VPS13C: variants seen among roughly 807,000 people sequenced by gnomAD.
VPS13C encodes vacuolar protein sorting 13 homolog C, also known as intermembrane lipid transfer protein VPS13C.
Under a neutral mutation model 456.8 loss-of-function variants are expected in VPS13C, and 358 were observed. The observed-to-expected ratio is 0.78, with a 90% CI of 0.72 to 0.86. The LOEUF is 0.86. Among genes scored for constraint, VPS13C ranks in the 40% least tolerant of loss-of-function variants. The probability of loss-of-function intolerance (pLI) is 0.00; values close to 1 mark genes in which losing one functional copy is unlikely to be tolerated. For synonymous variants in VPS13C, 1,578 were observed against 1,486.7 expected, an observed-to-expected ratio of 1.06 and a Z score of -1.41; for missense variants, 4,818 against 4,385.4, an observed-to-expected ratio of 1.10 and a Z score of -2.79.
At chr15:61,887,338 T>C (rs906939605) in intron 67 of VPS13C, among the ~76,000 whole-genome samples, 8 of 152,168 alleles carry the variant, frequency 5.3e-5, no homozygotes, top group African/African-American at 1.7e-4. Flanking sequence ...TCGAATACAA[T>C]GTGTATGTGA....
intron 48 of VPS13C, 83 bp downstream of exon 48, chr15:61,936,514 C>T: frequency 7.3e-7 from 1 of 1,365,568 alleles, no homozygotes. Flanking sequence ...CCACATTGTG[C>T]TGGACAGCTA....
intron 66 of VPS13C, among the ~76,000 whole-genome samples, chr15:61,903,779 A>G (rs1464797894): frequency 6.6e-6 from 1 of 152,228 alleles, no homozygotes; most frequent in Middle Eastern, 3.2e-3. Context: ...TGGCAGTAGC[A>G]TAAAAACAGA....
Position 61,954,421 on chromosome 15 carries a change from C to G in VPS13C, c.4299G>C (p.Glu1433Asp), listed in dbSNP as rs539515210. ...ACAAAAACAGATGAAAATTACACAC[C>G]TCTTTAATTTCAAAATTCAGCAGCA... ...INMLLNFEIK[E>D]VVVTLMKKSE... The change falls in exon 38 of 85, where the codon GAG becomes GAC. Residue 1433 changes from glutamate (E) to aspartate (D), a missense_variant and splice_region_variant. By Grantham distance (45) the Glu-to-Asp change is conservative. This residue lies in a region of VPS13C where 4,552 missense variants were observed against 4,130.6 expected (regional missense o/e 1.10). Transcript: ENST00000644861. 1.9e-6 allele frequency: 3 copies of G among 1,603,166 alleles called. No homozygotes were observed. The highest frequency in any genetic ancestry group is 2.5e-6 in the Non-Finnish European group (3 of 1,176,646).
Position 61,977,183 on chromosome 15 carries a change from CT to C in VPS13C, c.2306del (p.Lys769SerfsTer27). 1.9e-6 allele frequency: 3 copies of C among 1,553,906 alleles called. No homozygotes were observed. The highest frequency in any genetic ancestry group is 2.6e-5 in the South Asian group (2 of 77,468). Reference protein sequence around the residue: ...LFARAEETWKKCRFQHPSTMH... With the variant: ...LFARAEETWKXCRFQHPSTMH... The stretch of plus-strand genomic sequence containing the variant: ...TAGTTGATGGATGCTGAAATCGACA[CT>C]TTTTCCAGGTTTCCTCTTTAAAAAA... On this transcript the variant is annotated frameshift_variant, in exon 24 of 85. Transcript: ENST00000644861. LOFTEE classifies it high-confidence loss of function.
chr15:61,940,105 T>C (rs1206134354), intron 47 of VPS13C, among the ~76,000 whole-genome samples: 1 of 152,172 alleles, frequency 6.6e-6, no homozygotes, highest in African/African-American at 2.4e-5. Context: ...TTAAAAATAA[T>C]GGTGTATTTA....
chr15:61,870,188 T>C (rs950965051), intron 79 of VPS13C, among the ~76,000 whole-genome samples: 3 of 152,178 alleles, frequency 2.0e-5, no homozygotes, highest in Non-Finnish European at 4.4e-5. Context: ...ATGTTTATCA[T>C]TTTAAAAAGA....
chr15:62,056,853 T>C (rs893347994), intron 1 of VPS13C, among the ~76,000 whole-genome samples: 1 of 152,226 alleles, frequency 6.6e-6, no homozygotes, highest in African/African-American at 2.4e-5. Flanking sequence ...TCTCTCTCTC[T>C]GCCTCGGCTG....
At position 61,959,511 on chromosome 15, in the gene VPS13C, T is replaced by C; in HGVS notation, c.3993A>G (p.Leu1331=). The change falls in exon 36 of 85, where the codon CTA becomes CTG. Residue 1331 remains leucine (L), a synonymous_variant. Coordinates refer to ENST00000644861, the MANE Select transcript of VPS13C (RefSeq NM_020821.3). ...GCACCTTGTGGTACCAAGATGCAGCTAGATTCCGATTTACAAGAAATTCCA... is the reference window on the plus strand; with the variant it reads ...GCACCTTGTGGTACCAAGATGCAGCCAGATTCCGATTTACAAGAAATTCCA... ...INLEFLVNRN[L]AASWYHKVPV... is the part of the protein sequence containing the mutation. The C allele has an allele frequency of 1.9e-6, 3 of 1,613,188 alleles. No individual in the cohort carries two copies. The highest frequency in any genetic ancestry group is 2.5e-6 in the Non-Finnish European group (3 of 1,179,398).
Position 62,007,394 on chromosome 15 carries a change from T to C in VPS13C, c.1204A>G (p.Arg402Gly). Residue 402 changes from arginine (R) to glycine (G), a missense_variant, in exon 15 of 85, where the codon AGG becomes GGG. By Grantham distance (125) the Arg-to-Gly change is moderately radical. Transcript: ENST00000644861. The part of the protein sequence containing the change: ...MWSWSNIKKH[R>G]QLLKSYKIAY... Reference sequence around the variant, plus strand: ...ATTTTATAACTCTTGAGTAACTGCCTGTGCTTTTTTATGTTACTCCATGAC... The same window carrying C: ...ATTTTATAACTCTTGAGTAACTGCCCGTGCTTTTTTATGTTACTCCATGAC... 3 of 1,613,116 alleles carry C rather than the reference T, an allele frequency of 1.9e-6. No homozygotes were observed. Among genetic ancestry groups the C allele is most frequent in the Middle Eastern group, 1.7e-4 (1 of 6,056 alleles).
intron 67 of VPS13C, among the ~76,000 whole-genome samples, chr15:61,887,657 C>G (rs1249131740): frequency 6.6e-6 from 1 of 152,128 alleles, no homozygotes; most frequent in Non-Finnish European, 1.5e-5. Flanking sequence ...CACCACTGCA[C>G]TCCAGCCTGG....
At chr15:62,025,267 C>T (rs765496935) in intron 6 of VPS13C, among the ~76,000 whole-genome samples, 27 of 151,998 alleles carry the variant, frequency 1.8e-4, no homozygotes, top group Admixed American at 3.9e-4. Context: ...TCTGCCACTA[C>T]AAAAATTAAG....
At chr15:61,966,031 T>C (rs2140332746) in intron 30 of VPS13C, 52 bp downstream of exon 30, 1 of 1,423,340 alleles carries the variant, frequency 7.0e-7, no homozygotes, top group Non-Finnish European at 9.7e-7. Context: ...CTAGAGGCTT[T>C]GAGACTAGGT....
intron 22 of VPS13C, among the ~76,000 whole-genome samples, chr15:61,980,909 T>G (rs1043565631): frequency 6.6e-6 from 1 of 152,214 alleles, no homozygotes; most frequent in African/African-American, 2.4e-5. Context: ...ACTGGAGGCT[T>G]GGCTTTCTAT....
chr15:62,014,602 C>T (rs561987066), intron 9 of VPS13C, among the ~76,000 whole-genome samples: 1 of 151,994 alleles, frequency 6.6e-6, no homozygotes, highest in African/African-American at 2.4e-5. Flanking sequence ...GGTATGGATA[C>T]AAAAGAGGTA....
At chr15:62,008,806 A>AT in intron 13 of VPS13C, 45 bp from the exon 14 acceptor site, 2 of 1,123,428 alleles carry the variant, frequency 1.8e-6, no homozygotes, top group Non-Finnish European at 2.4e-6. Context: ...CTGTATATAT[A>AT]AAAAAAAGAC....
chr15:61,982,408 G>T (rs781662573), intron 21 of VPS13C, 51 bp downstream of exon 21: 3 of 1,422,062 alleles, frequency 2.1e-6, no homozygotes, highest in South Asian at 1.3e-5. Flanking sequence ...ATTAGAGTAG[G>T]CAAAATTTTT....
At chr15:61,990,703 C>G (rs1456255652) in intron 18 of VPS13C, among the ~76,000 whole-genome samples, 1 of 152,008 alleles carries the variant, frequency 6.6e-6, no homozygotes, top group African/African-American at 2.4e-5. Flanking sequence ...CCCAGCTACT[C>G]AGGAGGCTGA....
chr15:61,857,276 A>T (rs915769947), intron 82 of VPS13C, among the ~76,000 whole-genome samples: 2 of 152,176 alleles, frequency 1.3e-5, no homozygotes, highest in African/African-American at 4.8e-5. Flanking sequence ...GCTGTAACAG[A>T]GTGTGCAGAT....
intron 50 of VPS13C, 81 bp downstream of exon 50, chr15:61,931,009 C>T (rs2044034954): frequency 6.6e-7 from 1 of 1,522,798 alleles, no homozygotes; most frequent in South Asian, 1.1e-5. Flanking sequence ...TTTGGATGAT[C>T]CCTAGCCTAG....
Sources: gnomAD v4.1 joint callset for allele counts (sites outside exome capture counted in the v4.1 genomes callset) on GRCh38, gnomAD v4.1.1 for gene constraint, gnomAD v4.1.1 regional missense constraint, MANE v1.5 for transcripts, NCBI Gene and HGNC (gene_info 2026-07-23, HGNC 2026-07-21) for gene names.